TNS1: variants seen among roughly 807,000 people sequenced by gnomAD.
The protein encoded by TNS1 is tensin-1.
In TNS1, 62 loss-of-function variants were observed where a neutral mutation model predicts 168.6. That is an observed-to-expected ratio of 0.37 (90% confidence interval 0.30 to 0.45). The LOEUF (loss-of-function observed/expected upper bound fraction) is 0.45. Among genes scored for constraint, TNS1 ranks in the 20% least tolerant of loss-of-function variants. The probability of loss-of-function intolerance (pLI) is 1.00; values close to 1 mark genes in which losing one functional copy is unlikely to be tolerated. For synonymous variants in TNS1, 934 were observed against 933.2 expected (o/e 1.00, Z -0.02); for missense variants, 2,240 against 2,339.4 (o/e 0.96, Z 0.88).
At chr2:217,984,708 G>A (rs1366719543) in intron 2 of TNS1, among the ~76,000 whole-genome samples, 1 of 149,150 alleles carries the variant, frequency 6.7e-6, no homozygotes. Flanking sequence ...GCCCAGGCTG[G>A]TATCGAACTC....
chr2:217,879,156 C>G (rs951321837), intron 18 of TNS1: 3 of 270,296 alleles, frequency 1.1e-5, no homozygotes, highest in Non-Finnish European at 2.2e-5. Context: ...ATCCTAAGCC[C>G]CGTCTTTCCC....
At chr2:217,944,344 G>A (rs1264014480) in intron 3 of TNS1, among the ~76,000 whole-genome samples, 1 of 152,242 alleles carries the variant, frequency 6.6e-6, no homozygotes, top group Non-Finnish European at 1.5e-5. Context: ...AGGACGGGAA[G>A]GGCCAGAAGG....
chr2:218,010,660 G>C (rs1958698104), upstream of TNS1, among the ~76,000 whole-genome samples: 2 of 146,136 alleles, frequency 1.4e-5, no homozygotes, highest in African/African-American at 4.9e-5. Context: ...GCGTCCACCT[G>C]CGAGGAAGGA....
rs1233912398 is a variant in TNS1 at position 217,945,391 on chromosome 2, C to G, written c.187-25155G>C. 1.2e-4 allele frequency among the ~76,000 whole-genome samples: 18 copies of G among 152,110 alleles called. 1 individual carries two copies. Among genetic ancestry groups the G allele is most frequent in the Non-Finnish European group, 2.6e-4 (18 of 68,016 alleles). ...GGGGCCAGAGCCACAGGGAGATGGC[C>G]AGTACTTTGGAGGGCTGCCTCGCCC... On this transcript the variant is annotated intron_variant, in intron 3 of 32. Coordinates refer to ENST00000682258, the MANE Select transcript of TNS1 (RefSeq NM_001387777.1).
At chr2:217,952,068 G>A (rs1231941023) in intron 3 of TNS1, among the ~76,000 whole-genome samples, 8 of 152,314 alleles carry the variant, frequency 5.3e-5, no homozygotes, top group Middle Eastern at 6.8e-3. Flanking sequence ...AGAGGGAGCC[G>A]CTGAAGGAAC....
Position 217,848,709 on chromosome 2 carries a change from C to T in TNS1, c.1808G>A (p.Arg603His), listed in dbSNP as rs772611683. 2.5e-5 allele frequency: 40 copies of T among 1,614,070 alleles called. No homozygotes were observed. Among genetic ancestry groups the T allele is most frequent in the South Asian group, 1.1e-4 (10 of 91,086 alleles). Residue 603 changes from arginine to histidine, a missense_variant, in exon 19 of 33, where the codon CGC (arginine) becomes CAC (histidine). This residue lies in a region of TNS1 where 2,131 missense variants were observed against 2,171.2 expected (regional missense o/e 0.98). Transcript: ENST00000682258. ...ATGAACCTGGGCTGGGACAACGTGG[C>T]GTCCAGAGGAGGGCACAGCCGAGCC... ...AGGSAVPSSG[R>H]HVVPAQVHVN...
chr2:217,977,900 A>G (rs374560311), intron 3 of TNS1, among the ~76,000 whole-genome samples: 6 of 152,190 alleles, frequency 3.9e-5, no homozygotes, highest in African/African-American at 1.4e-4. Context: ...ACAAGCAACA[A>G]TGGCAGAAGG....
intron 17 of TNS1, 44 bp downstream of exon 17, chr2:217,882,302 A>T: frequency 7.3e-7 from 1 of 1,369,646 alleles, no homozygotes; most frequent in Middle Eastern, 1.8e-4. Flanking sequence ...TAGGGTCAGG[A>T]TAAAAGGAAG....
chr2:217,831,046 C>A (rs1559187924), intron 22 of TNS1, among the ~76,000 whole-genome samples: 1 of 152,090 alleles, frequency 6.6e-6, no homozygotes, highest in Non-Finnish European at 1.5e-5. Flanking sequence ...CCCTGGCACA[C>A]AGCAGCAGGG....
chr2:217,940,718 T>C (rs1375596862), intron 3 of TNS1, among the ~76,000 whole-genome samples: 4 of 152,146 alleles, frequency 2.6e-5, no homozygotes, highest in Non-Finnish European at 5.9e-5. Context: ...TGTCACCCTC[T>C]CTGGTCAGGA....
intron 3 of TNS1, among the ~76,000 whole-genome samples, chr2:217,926,424 T>C (rs1314615433): frequency 1.3e-5 from 2 of 152,214 alleles, no homozygotes. Flanking sequence ...CATCCATCCA[T>C]GGACACTTGG....
chr2:217,809,042 C>T (rs12998823), intron 30 of TNS1, among the ~76,000 whole-genome samples: 96,069 of 152,048 alleles, frequency 0.63, 30,834 homozygotes, highest in African/African-American at 0.74. Context: ...TATTTACAGC[C>T]GTATACCCAA....
At chr2:217,847,456 C>A (rs1440452292) in intron 19 of TNS1, 54 bp downstream of exon 19, 32 of 1,373,310 alleles carry the variant, frequency 2.3e-5, no homozygotes, top group Admixed American at 7.5e-5. Context: ...CACCTCCCCC[C>A]AGCAAGACCA....
intron 3 of TNS1, among the ~76,000 whole-genome samples, chr2:217,949,443 C>T (rs1957190463): frequency 1.3e-5 from 2 of 152,206 alleles, no homozygotes; most frequent in African/African-American, 4.8e-5. Context: ...TAGCATCACA[C>T]CTACCATCCC....
At position 217,818,899 on chromosome 2, in the gene TNS1, T is replaced by C. The variant is rs1250893357; in HGVS notation, c.3573-140A>G. On this transcript the variant is annotated intron_variant, in intron 23 of 32. Coordinates refer to ENST00000682258, the MANE Select transcript of TNS1 (RefSeq NM_001387777.1). ...GGCAGTGCGGAAGGACATCAGGGTT[T>C]TATACGTTACCTTACAGAACCATCA... 2.3e-5 allele frequency: 16 copies of C among 688,614 alleles called. No homozygotes were observed. In the East Asian group the frequency reaches 4.3e-4, roughly 19 times the overall value. 42.7% of individuals were successfully genotyped at this position (688,614 alleles called of 1,614,324 possible). A position where few individuals can be genotyped will look rare whatever the true frequency, so the allele number is the denominator to read the frequency against.
chr2:217,818,602 C>A lies in TNS1; in HGVS notation c.3730G>T (p.Val1244Leu). 1.9e-6 allele frequency: 3 copies of A among 1,614,242 alleles called. No individual in the cohort carries two copies. Among genetic ancestry groups the A allele is most frequent in the Non-Finnish European group, 2.5e-6 (3 of 1,180,046 alleles). ...TCGGGGCTGCTGTAGCTACTGCCCA[C>A]AGTCGGGAGAGGAGAAGAGCTCTGG... is the stretch of plus-strand genomic sequence containing the variant. ...NYQSSSPLPT[V>L]GSSYSSPDYS... Residue 1244 changes from valine to leucine, a missense_variant, in exon 24 of 33, where the codon GTG becomes TTG. By Grantham distance (32) the Val-to-Leu change is conservative (BLOSUM62 1). Around this residue, in one of 2 missense-constraint regions of TNS1, gnomAD observed 2,131 missense variants for 2,171.2 expected, o/e 0.98. Coordinates refer to ENST00000682258, the MANE Select transcript of TNS1 (RefSeq NM_001387777.1).
intron 28 of TNS1, among the ~76,000 whole-genome samples, chr2:217,812,126 G>A (rs531404530): frequency 1.2e-4 from 18 of 152,308 alleles, no homozygotes; most frequent in Non-Finnish European, 2.4e-4. Context: ...TCTTCATACG[G>A]AGAGTTTTCC....
At chr2:218,030,343 C>T (rs998993048) in intron 1 of TNS1, among the ~76,000 whole-genome samples, 2 of 152,226 alleles carry the variant, frequency 1.3e-5, no homozygotes, top group African/African-American at 2.4e-5. Flanking sequence ...CTTCACCTTC[C>T]CGGTGCAATC....
Position 217,804,520 on chromosome 2 carries a change from G to C in TNS1, c.5459C>G (p.Pro1820Arg), listed in dbSNP as rs1466164129. 1.2e-6 allele frequency: 2 copies of C among 1,614,140 alleles called. No individual in the cohort carries two copies. Among genetic ancestry groups the C allele is most frequent in the Non-Finnish European group, 1.7e-6 (2 of 1,180,006 alleles). The change falls in exon 33 of 33, where the codon CCG becomes CGG. Residue 1820 changes from proline to arginine, a missense_variant. Coordinates refer to ENST00000682258, the MANE Select transcript of TNS1 (RefSeq NM_001387777.1). ...HLFAELDPNQ[P>R]ASAIVNFVSK... is the part of the protein sequence containing the mutation. ...GACGAAGTTGACGATGGCAGAGGCC[G>C]GCTGGTTGGGGTCAAGCTCAGCAAA...
Sources: allele counts gnomAD v4.1 joint callset (sites outside exome capture counted in the v4.1 genomes callset), GRCh38; gene constraint gnomAD v4.1.1; regional missense constraint gnomAD v4.1.1; transcripts MANE v1.5; gene names NCBI Gene and HGNC (gene_info 2026-07-23, HGNC 2026-07-21).